LRRC53: variants seen among roughly 807,000 people sequenced by gnomAD.
LRRC53 encodes leucine rich repeat containing 53, also known as leucine-rich repeat-containing protein 53.
Under a neutral mutation model 13.6 loss-of-function variants are expected in LRRC53, and 25 were observed. The observed-to-expected ratio is 1.83, with a 90% CI of 1.34 to 2.56. The LOEUF is 2.56. LRRC53 is among the 30% of genes most tolerant of loss of function. The pLI, the probability that LRRC53 is intolerant of heterozygous loss-of-function variation, is 0.00. For synonymous variants in LRRC53, 204 were observed against 109.8 expected (o/e 1.86, Z -5.37); for missense variants, 527 against 275.8 (o/e 1.91, Z -6.45).
At chr1:74,497,543 T>G (rs1469863414) in intron 1 of LRRC53, among the ~76,000 whole-genome samples, 1 of 151,598 alleles carries the variant, frequency 6.6e-6, no homozygotes, top group Non-Finnish European at 1.5e-5. Context: ...ATCCCATGGC[T>G]TCAACTCACA....
At chr1:74,484,335 G>A (rs1668647900) in intron 1 of LRRC53, among the ~76,000 whole-genome samples, 1 of 152,122 alleles carries the variant, frequency 6.6e-6, no homozygotes, top group Non-Finnish European at 1.5e-5. Flanking sequence ...TGTTCAACAA[G>A]CATTTGTAGA....
chr1:74,501,355 A>G (rs1322561109), intron 1 of LRRC53, among the ~76,000 whole-genome samples: 1 of 152,228 alleles, frequency 6.6e-6, no homozygotes, highest in Non-Finnish European at 1.5e-5. Context: ...GAGAGTTTAA[A>G]AAAAGCTGTA....
At chr1:74,520,654 A>G in the LRRC53 span, among the ~76,000 whole-genome samples, 1 of 152,082 alleles carries the variant, frequency 6.6e-6, no homozygotes, top group Non-Finnish European at 1.5e-5. Context: ...TTTAAATATT[A>G]ACTGTATGGT....
chr1:74,497,673 G>T (rs918705705), intron 1 of LRRC53, among the ~76,000 whole-genome samples: 2 of 151,826 alleles, frequency 1.3e-5, no homozygotes. Flanking sequence ...TGACCTCTCT[G>T]CTTCCTAGCG....
chr1:74,505,650 A>G (rs1421164580), intron 1 of LRRC53, among the ~76,000 whole-genome samples: 1 of 152,122 alleles, frequency 6.6e-6, no homozygotes, highest in Non-Finnish European at 1.5e-5. Context: ...GCTTACTCGT[A>G]TTTGAAGCAG....
At chr1:74,489,127 A>T (rs756754062) in intron 1 of LRRC53, 39 of 1,437,806 alleles carry the variant, frequency 2.7e-5, no homozygotes, top group South Asian at 3.8e-5. Context: ...CAATTTTAAC[A>T]TCCAAAGAGA....
intron 1 of LRRC53, among the ~76,000 whole-genome samples, chr1:74,500,448 A>G (rs1669557013): frequency 6.6e-6 from 1 of 150,960 alleles, no homozygotes; most frequent in Non-Finnish European, 1.5e-5. Flanking sequence ...CTAAAAATAC[A>G]AAAAAATTAG....
Position 74,480,952 on chromosome 1 carries a change from C to T in LRRC53, c.105G>A (p.Thr35=). 1.4e-6 allele frequency: 1 copy of T among 714,842 alleles called. No individual in the cohort carries two copies. Among genetic ancestry groups the T allele is most frequent in the Non-Finnish European group, 2.6e-6 (1 of 383,660 alleles). 44.3% of individuals were successfully genotyped at this position (714,842 alleles called of 1,614,324 possible). ...LTYIVAAPMT[T]RVLIITDGYL... is the part of the protein sequence containing the mutation. The stretch of plus-strand genomic sequence containing the variant: ...ATCCATCGGTGATGATTAAAACCCT[C>T]GTGGTCATAGGGGCTGCTGTGGGGA... The change falls in exon 3 of 5, where the codon ACG becomes ACA. Residue 35 remains threonine (T), a synonymous_variant. Coordinates refer to ENST00000294635, the MANE Select transcript of LRRC53 (RefSeq NM_001382280.1).
At chr1:74,497,207 C>G (rs181448844) in intron 1 of LRRC53, among the ~76,000 whole-genome samples, 164 of 152,136 alleles carry the variant, frequency 1.1e-3, no homozygotes, top group African/African-American at 3.7e-3. Flanking sequence ...ACTGATGTTC[C>G]TAGGAAGAAT....
chr1:74,489,945 TGCATATGCAGGGAAGGG>T (rs1668971041), intron 1 of LRRC53, among the ~76,000 whole-genome samples: 1 of 151,260 alleles, frequency 6.6e-6, no homozygotes, highest in Non-Finnish European at 1.5e-5. Flanking sequence ...TATATGCATT[TGCATATGCAGGGAAGGG>T]GCAACAATAG....
Position 74,471,039 on chromosome 1 carries a change from T to A in LRRC53, c.2583A>T (p.Gln861His), listed in dbSNP as rs1667901907. The change falls in exon 5 of 5, where the codon CAA becomes CAT. Residue 861 changes from glutamine (Q) to histidine (H), a missense_variant. Gln to His is a conservative substitution (Grantham distance 24). Transcript: ENST00000294635. ...ATTCAAGCTGAGTTGCATCTTCCAT[T>A]TGCTCAGTTGAGAATTGAGAATGTG... is the stretch of plus-strand genomic sequence containing the variant. ...RHSHSQFSTEQMEDATQLESK... is the reference protein window; with the variant it reads ...RHSHSQFSTEHMEDATQLESK... 2.5e-6 allele frequency: 1 copy of A among 400,708 alleles called. No individual in the cohort carries two copies. Among genetic ancestry groups the A allele is most frequent in the Non-Finnish European group, 4.4e-6 (1 of 226,172 alleles). The allele number at this position is 400,708 out of a possible 1,614,324, so 24.8% of individuals were successfully genotyped here.
intron 1 of LRRC53, among the ~76,000 whole-genome samples, chr1:74,486,507 C>CTTTTTTTTTTTTTTTTTT (rs397940623): frequency 7.3e-6 from 1 of 137,104 alleles, no homozygotes. Flanking sequence ...TTGTTTTTTG[C>CTTTTTTTTTTTTTTTTTT]TTTTTTTTTT....
chr1:74,507,217 T>G (rs1341748148), intron 1 of LRRC53, among the ~76,000 whole-genome samples: 1 of 116,148 alleles, frequency 8.6e-6, no homozygotes, highest in Non-Finnish European at 1.9e-5. Flanking sequence ...GTTTTTAAAT[T>G]TCTTCACCCC....
intron 1 of LRRC53, among the ~76,000 whole-genome samples, chr1:74,506,115 G>T (rs532588684): frequency 2.4e-4 from 36 of 152,172 alleles, no homozygotes; most frequent in Non-Finnish European, 4.4e-4. Context: ...AGATAATATT[G>T]CCATGTGCAC....
chr1:74,498,843 G>A (rs547990118), intron 1 of LRRC53, among the ~76,000 whole-genome samples: 4 of 152,132 alleles, frequency 2.6e-5, no homozygotes, highest in African/African-American at 4.8e-5. Flanking sequence ...TTCATTCCCT[G>A]TGTGTTTTTT....
At chr1:74,497,733 C>T (rs762235429) in intron 1 of LRRC53, among the ~76,000 whole-genome samples, 5 of 152,150 alleles carry the variant, frequency 3.3e-5, no homozygotes, top group African/African-American at 4.8e-5. Flanking sequence ...CATGCTCTAA[C>T]CCACCTACTA....
rs397940623 is a variant in LRRC53, at chr1:74,486,507, C to CTTT, written c.-26-3135_-26-3133dup. ...TTTTGTGTGTGTTTTTTGTTTTTTG[C>CTTT]TTTTTTTTTTTTTGCCTCTGCAAGC... On this transcript the variant is annotated intron_variant, in intron 1 of 4. Coordinates refer to ENST00000294635, the MANE Select transcript of LRRC53 (RefSeq NM_001382280.1). 6.3e-3 allele frequency among the ~76,000 whole-genome samples: 865 copies of CTTT among 137,080 alleles called. 15 individuals carry two copies. The highest frequency in any genetic ancestry group is 0.022 in the African/African-American group (805 of 36,886). 89.9% of individuals were successfully genotyped at this position (137,080 alleles called of 152,430 possible).
intron 3 of LRRC53, among the ~76,000 whole-genome samples, chr1:74,476,854 AG>A (rs1668232520): frequency 6.6e-6 from 1 of 152,132 alleles, no homozygotes; most frequent in Non-Finnish European, 1.5e-5. Flanking sequence ...TTAAATGAAA[AG>A]GGAGGGTATC....
intron 1 of LRRC53, among the ~76,000 whole-genome samples, chr1:74,492,980 C>T (rs1385471888): frequency 6.6e-6 from 1 of 152,148 alleles, no homozygotes; most frequent in Non-Finnish European, 1.5e-5. Context: ...AGGGAGAGCT[C>T]TAGTGTCCCT....
Sources: gnomAD v4.1 joint callset for allele counts (sites outside exome capture counted in the v4.1 genomes callset) on GRCh38, gnomAD v4.1.1 for gene constraint, MANE v1.5 for transcripts, NCBI Gene and HGNC (gene_info 2026-07-23, HGNC 2026-07-21) for gene names.